Variants in SORBS2 observed in about 807,000 individuals in gnomAD.
The protein encoded by SORBS2 is sorbin and SH3 domain-containing protein 2.
Under a neutral mutation model 97.7 loss-of-function variants are expected in SORBS2, and 46 were observed. The observed-to-expected ratio is 0.47, with a 90% CI of 0.37 to 0.60. The LOEUF (loss-of-function observed/expected upper bound fraction) is 0.60, where lower values mean the gene tolerates loss of function less well. Among genes scored for constraint, SORBS2 ranks in the 20% least tolerant of loss-of-function variants. The pLI is 0.00. For missense variants in SORBS2, 1,316 were observed against 1,282.3 expected, an observed-to-expected ratio of 1.03 and a Z score of -0.40; for synonymous variants, 476 against 473.4, an observed-to-expected ratio of 1.01 and a Z score of -0.07.
intron 2 of SORBS2, among the ~76,000 whole-genome samples, chr4:185,744,904 G>A (rs2153590434): frequency 6.6e-6 from 1 of 152,350 alleles, no homozygotes; most frequent in Middle Eastern, 3.4e-3. Context: ...CACTAAGGGT[G>A]AGCCTTCTTT....
chr4:185,625,394 TAGGAC>T (rs2096793829), intron 6 of SORBS2, among the ~76,000 whole-genome samples: 1 of 151,364 alleles, frequency 6.6e-6, no homozygotes, highest in African/African-American at 2.5e-5. Context: ...TTATATCTAA[TAGGAC>T]ATTTTCTTCC....
intron 4 of SORBS2, among the ~76,000 whole-genome samples, chr4:185,644,507 G>C (rs933778539): frequency 1.3e-5 from 2 of 152,252 alleles, no homozygotes; most frequent in Middle Eastern, 3.4e-3. Flanking sequence ...GCCACACCTG[G>C]AGTGGCTGTA....
Position 185,607,361 on chromosome 4 carries a change from G to A in SORBS2, c.2796+4419C>T, listed in dbSNP as rs1192147863. Reference sequence around the variant, plus strand: ...TCACTGGAAGCCAACTTGGAAATGAGCACGGATTATGAAGTTAAGAAAAAA... The same window carrying A: ...TCACTGGAAGCCAACTTGGAAATGAACACGGATTATGAAGTTAAGAAAAAA... On this transcript the variant is annotated intron_variant, in intron 12 of 14. Transcript: ENST00000418609. The surrounding 1 kb of genome is among the most constrained non-coding windows in gnomAD (Gnocchi z 5.2). 1.3e-5 allele frequency: 17 copies of A among 1,266,096 alleles called. No individual in the cohort carries two copies. Among genetic ancestry groups the A allele is most frequent in the Non-Finnish European group, 1.8e-5 (17 of 968,114 alleles). The allele number at this position is 1,266,096 out of a possible 1,614,324, so 78.4% of individuals were successfully genotyped here.
intron 2 of SORBS2, chr4:185,773,459 G>T (rs1250444207): frequency 6.6e-6 from 1 of 152,216 alleles, no homozygotes; most frequent in Non-Finnish European, 1.5e-5. Flanking sequence ...CTGGAGATTC[G>T]ATTGCATCTG....
At chr4:185,704,710 C>G (rs1247367289) in intron 2 of SORBS2, among the ~76,000 whole-genome samples, 1 of 151,542 alleles carries the variant, frequency 6.6e-6, no homozygotes, top group African/African-American at 2.5e-5. Context: ...CCTCAACTCT[C>G]CATGTTTTGA....
intron 2 of SORBS2, among the ~76,000 whole-genome samples, chr4:185,712,950 C>T (rs1260503510): frequency 6.6e-6 from 1 of 152,202 alleles, no homozygotes; most frequent in Non-Finnish European, 1.5e-5. Context: ...GTCTAGCTTT[C>T]CAGTAACCTT....
At chr4:185,661,671 A>T (rs6552902), upstream of SORBS2, among the ~76,000 whole-genome samples, 142,585 of 152,226 alleles carry the variant, frequency 0.94, 66,816 homozygotes, top group Non-Finnish European at 0.96. Flanking sequence ...CGTCCCTGCT[A>T]TGTGGGACAG....
chr4:185,731,866 C>CTCTCTCTCTCTCTCTCTA (rs1286500642), intron 2 of SORBS2, among the ~76,000 whole-genome samples: 1 of 24,674 alleles, frequency 4.1e-5, no homozygotes, highest in African/African-American at 1.8e-4. Context: ...CTCTCTCTCT[C>CTCTCTCTCTCTCTCTCTA]TATATATATA....
At chr4:185,671,438 T>C (rs2097711193) in intron 4 of SORBS2, among the ~76,000 whole-genome samples, 1 of 152,196 alleles carries the variant, frequency 6.6e-6, no homozygotes, top group African/African-American at 2.4e-5. Flanking sequence ...TCAGACAGAC[T>C]TGGGCAACTT....
rs148189230 is a variant in SORBS2, at chr4:185,745,473, G to A, written c.-198+29754C>T. On this transcript the variant is annotated intron_variant, in intron 2 of 20. Transcript: ENST00000284776. ...AGACTTATGCTCAGGTAGACAAGGA[G>A]GACTGAAGCCACAGTGGGCTCCTTC... Among the ~76,000 whole-genome samples the A allele has an allele frequency of 3.3e-3, 498 of 152,244 alleles. 13 individuals carry two copies. The highest frequency in any genetic ancestry group is 0.027 in the Admixed American group (410 of 15,290).
At chr4:185,861,107 G>A (rs1300485787) in intron 1 of SORBS2, among the ~76,000 whole-genome samples, 2 of 152,076 alleles carry the variant, frequency 1.3e-5, no homozygotes, top group African/African-American at 2.4e-5. Flanking sequence ...CTATCTTGTT[G>A]GCATCATTGC....
At chr4:185,915,943 T>C (rs572431896) in intron 1 of SORBS2, among the ~76,000 whole-genome samples, 1 of 152,166 alleles carries the variant, frequency 6.6e-6, no homozygotes, top group Admixed American at 6.6e-5. Flanking sequence ...TAACCAGACA[T>C]AAGGAGGCTG....
intron 12 of SORBS2, among the ~76,000 whole-genome samples, chr4:185,597,818 T>A (rs1271760558): frequency 1.3e-5 from 2 of 151,902 alleles, no homozygotes; most frequent in Non-Finnish European, 2.9e-5. Flanking sequence ...CTGAGAGTTG[T>A]TTCTGCTTTA....
intron 1 of SORBS2, among the ~76,000 whole-genome samples, chr4:185,794,368 A>G (rs940167946): frequency 6.6e-6 from 1 of 152,198 alleles, no homozygotes; most frequent in Non-Finnish European, 1.5e-5. Flanking sequence ...GCAAGGTCCT[A>G]TGTTCATAAA....
chr4:185,627,543 AG>A (rs1337104398), intron 5 of SORBS2, among the ~76,000 whole-genome samples: 1 of 152,168 alleles, frequency 6.6e-6, no homozygotes, highest in African/African-American at 2.4e-5. Context: ...GGGCAGTTTT[AG>A]GCTTACAGAA....
chr4:185,641,662 T>C (rs138843440), intron 4 of SORBS2, among the ~76,000 whole-genome samples: 63 of 152,216 alleles, frequency 4.1e-4, no homozygotes, highest in African/African-American at 1.4e-3. Context: ...GGTATGATTA[T>C]GGTTTACTCT....
In SORBS2 at chr4:185,623,171, C is replaced by A; in HGVS notation, c.1958G>T (p.Gly653Val). The A allele has an allele frequency of 6.2e-7, 1 of 1,614,106 alleles. No individual in the cohort carries two copies. Among genetic ancestry groups the A allele is most frequent in the Non-Finnish European group, 8.5e-7 (1 of 1,180,026 alleles). Reference sequence around the variant, plus strand: ...CAGGATGCTGTTGTCCGGCAAGCTCCCCCTTTTCTTTTCAGCTTTAATTTG... The same window carrying A: ...CAGGATGCTGTTGTCCGGCAAGCTCACCCTTTTCTTTTCAGCTTTAATTTG... The change falls in exon 7 of 15, where the codon GGG (glycine) becomes GTG (valine). Residue 653 changes from glycine to valine, a missense_variant. Physicochemically the swap from Gly to Val is moderately radical, Grantham distance 109. Transcript: ENST00000418609. The surrounding 1 kb of genome is among the most constrained non-coding windows in gnomAD (Gnocchi z 6.4).
chr4:185,642,016 A>G (rs747097498), intron 4 of SORBS2, among the ~76,000 whole-genome samples: 7 of 152,208 alleles, frequency 4.6e-5, no homozygotes, highest in Non-Finnish European at 7.3e-5. Context: ...GTTCTAAACA[A>G]AAAGAAGTGC....
intron 1 of SORBS2, among the ~76,000 whole-genome samples, chr4:185,828,643 G>A (rs761952330): frequency 2.6e-4 from 40 of 151,904 alleles, no homozygotes; most frequent in Non-Finnish European, 5.0e-4. Context: ...ACCATGGCTC[G>A]CCCACCGATC....
Sources: allele counts gnomAD v4.1 joint callset (sites outside exome capture counted in the v4.1 genomes callset), GRCh38; gene constraint gnomAD v4.1.1; non-coding constraint Gnocchi (gnomAD v3.1); transcripts MANE v1.5; gene names NCBI Gene and HGNC (gene_info 2026-07-23, HGNC 2026-07-21).